PCDH7: variants seen among roughly 807,000 people sequenced by gnomAD.
PCDH7 encodes the protein protocadherin-7.
Under a neutral mutation model 58.9 loss-of-function variants are expected in PCDH7, and 17 were observed. That is an observed-to-expected ratio of 0.29 (90% confidence interval 0.20 to 0.43). PCDH7 has a LOEUF of 0.43. PCDH7 is among the 20% of genes least tolerant of loss of function. The probability of loss-of-function intolerance (pLI) is 1.00; values close to 1 mark genes in which losing one functional copy is unlikely to be tolerated. For synonymous variants in PCDH7, 664 were observed against 616.4 expected, an observed-to-expected ratio of 1.08 and a Z score of -1.14; for missense variants, 1,274 against 1,441.0, an observed-to-expected ratio of 0.88 and a Z score of 1.88.
In PCDH7 at chr4:30,723,671, A is replaced by G. The variant is rs1476164031; in HGVS notation, c.2249A>G (p.Tyr750Cys). Reference sequence around the variant, plus strand: ...GTTACCCTTCCCAAAAACATTTCCTACACTTTACTGCCACCTTCGAGTAAT... The same window carrying G: ...GTTACCCTTCCCAAAAACATTTCCTGCACTTTACTGCCACCTTCGAGTAAT... Residue 750 changes from tyrosine to cysteine, a missense_variant, in exon 1 of 2, where the codon TAC becomes TGC. This residue lies in a region of PCDH7 where 731 missense variants were observed against 881.9 expected (regional missense o/e 0.83). Coordinates refer to ENST00000361762, the Ensembl canonical transcript of PCDH7. This position sits in a 1 kb window ranked among gnomAD's most constrained non-coding sequence, Gnocchi z 4.6. 1.2e-6 allele frequency: 2 copies of G among 1,614,118 alleles called. No individual in the cohort carries two copies. The highest frequency in any genetic ancestry group is 3.3e-5 in the Admixed American group (2 of 60,018).
intron 3 of PCDH7, among the ~76,000 whole-genome samples, chr4:30,983,867 A>G (rs759476421): frequency 1.3e-5 from 2 of 152,226 alleles, no homozygotes; most frequent in African/African-American, 2.4e-5. Flanking sequence ...TTGTAAGAGT[A>G]TATTTCCATT....
In PCDH7 at chr4:30,809,001, C is replaced by T. The variant is rs1577889564; in HGVS notation, c.70+84405C>T. Among the ~76,000 whole-genome samples the T allele has an allele frequency of 4.6e-5, 7 of 152,146 alleles. No homozygotes were observed. In the South Asian group the frequency reaches 1.0e-3, roughly 23 times the overall value. The stretch of plus-strand genomic sequence containing the variant: ...TTCTATGCTAAAATGGCAATTTGTC[C>T]TCAAAAAAGAAAATATGCAATTATG... On this transcript the variant is annotated intron_variant, in intron 1 of 3. Coordinates refer to the PCDH7 transcript ENST00000509759.
intron 1 of PCDH7, among the ~76,000 whole-genome samples, chr4:30,798,634 A>C (rs572854450): frequency 2.6e-5 from 4 of 152,284 alleles, no homozygotes; most frequent in East Asian, 1.9e-4. Context: ...CTTTAATATA[A>C]ATTTTTAAAA....
intron 3 of PCDH7, among the ~76,000 whole-genome samples, chr4:31,046,762 T>A (rs1756325462): frequency 6.6e-6 from 1 of 152,070 alleles, no homozygotes. Flanking sequence ...TTAAAATAAA[T>A]TCTTTTTGTG....
intron 3 of PCDH7, among the ~76,000 whole-genome samples, chr4:30,997,044 G>A (rs934515582): frequency 6.6e-6 from 1 of 151,322 alleles, no homozygotes; most frequent in Admixed American, 6.6e-5. Flanking sequence ...CCCTAAACAT[G>A]GTGATTTAAA....
At chr4:30,824,133 T>TTCTTTCTTTCTC (rs1728785439) in intron 1 of PCDH7, among the ~76,000 whole-genome samples, 14 of 147,306 alleles carry the variant, frequency 9.5e-5, no homozygotes, top group African/African-American at 3.5e-4. Context: ...CTTTCTTTCT[T>TTCTTTCTTTCTC]TCTTTCTTTC....
chr4:30,873,268 T>C (rs1442656005), intron 1 of PCDH7, among the ~76,000 whole-genome samples: 2 of 152,054 alleles, frequency 1.3e-5, no homozygotes, highest in Non-Finnish European at 2.9e-5. Context: ...TTAAGGAAAA[T>C]TGATTCAATG....
chr4:30,820,075 A>G (rs1728190105), intron 1 of PCDH7, among the ~76,000 whole-genome samples: 1 of 152,186 alleles, frequency 6.6e-6, no homozygotes, highest in African/African-American at 2.4e-5. Context: ...TGGACTTTCA[A>G]TTAGCATTTT....
intron 1 of PCDH7, among the ~76,000 whole-genome samples, chr4:30,754,751 A>C (rs1454532079): frequency 1.4e-5 from 1 of 74,004 alleles, no homozygotes; most frequent in Non-Finnish European, 2.7e-5. Flanking sequence ...AATCCTTTAG[A>C]AACTTATATG....
chr4:30,818,868 G>T (rs1380479621), intron 1 of PCDH7, among the ~76,000 whole-genome samples: 2 of 151,424 alleles, frequency 1.3e-5, no homozygotes, highest in African/African-American at 4.9e-5. Flanking sequence ...ACAAAACAGG[G>T]CTCAAAAGAG....
chr4:30,790,540 T>G lies in PCDH7; in HGVS notation c.70+65944T>G, dbSNP rs148156896. Among the ~76,000 whole-genome samples, 589 of 152,336 alleles carry G rather than the reference T, an allele frequency of 3.9e-3. 7 individuals are homozygous for G. Among genetic ancestry groups the G allele is most frequent in the African/African-American group, 0.013 (525 of 41,580 alleles). ...GTAGCTTGATGGATTCAACTTGCAT[T>G]ACTTAAGATGGGAAAGGTACTCATT... On this transcript the variant is annotated intron_variant, in intron 1 of 3. Coordinates refer to the PCDH7 transcript ENST00000509759.
At chr4:30,811,888 C>T (rs967216515) in intron 1 of PCDH7, among the ~76,000 whole-genome samples, 53 of 151,972 alleles carry the variant, frequency 3.5e-4, no homozygotes, top group African/African-American at 1.2e-3. Context: ...AATATTTCAC[C>T]AGGTGGAGAA....
At chr4:30,817,239 T>C (rs1018168414) in intron 1 of PCDH7, among the ~76,000 whole-genome samples, 1 of 152,174 alleles carries the variant, frequency 6.6e-6, no homozygotes, top group African/African-American at 2.4e-5. Flanking sequence ...GTAGCTTAGA[T>C]TTTTCTTTTC....
chr4:31,043,538 G>A (rs1460202128), intron 3 of PCDH7, among the ~76,000 whole-genome samples: 1 of 152,118 alleles, frequency 6.6e-6, no homozygotes, highest in Non-Finnish European at 1.5e-5. Context: ...GATTAGTGAT[G>A]TTGAGCTTTT....
At chr4:30,841,363 C>T (rs1303766729) in intron 1 of PCDH7, among the ~76,000 whole-genome samples, 2 of 152,076 alleles carry the variant, frequency 1.3e-5, no homozygotes, top group Non-Finnish European at 2.9e-5. Flanking sequence ...GTTCAAGGAA[C>T]TAAATTGTTT....
At chr4:30,787,453 A>G (rs183922078) in intron 1 of PCDH7, among the ~76,000 whole-genome samples, 283 of 152,222 alleles carry the variant, frequency 1.9e-3, no homozygotes, top group Non-Finnish European at 2.6e-3. Flanking sequence ...CAATTATTAC[A>G]CTTGTTGAAA....
Position 30,908,979 on chromosome 4 carries a change from A to G in PCDH7, c.71-11174A>G, listed in dbSNP as rs571913646. On this transcript the variant is annotated intron_variant, in intron 1 of 3. Transcript: ENST00000509759. ...CAGTAGCATATCAAAAAGCTTATGT[A>G]CCACGATCAAGTCAGCTTCATCCCT... Among the ~76,000 whole-genome samples the G allele has an allele frequency of 2.0e-5, 3 of 152,298 alleles. No homozygotes were observed. In the South Asian group the frequency reaches 6.2e-4, roughly 32 times the overall value.
intron 3 of PCDH7, among the ~76,000 whole-genome samples, chr4:31,053,223 A>T (rs1756897942): frequency 6.6e-6 from 1 of 152,084 alleles, no homozygotes. Context: ...TAATACTGTG[A>T]AAACATCATT....
chr4:30,940,456 T>C (rs1195369317), intron 2 of PCDH7, among the ~76,000 whole-genome samples: 1 of 152,100 alleles, frequency 6.6e-6, no homozygotes, highest in African/African-American at 2.4e-5. Context: ...TATATAATTA[T>C]ATTTTTGCAA....
Sources: allele counts gnomAD v4.1 joint callset (sites outside exome capture counted in the v4.1 genomes callset), GRCh38; gene constraint gnomAD v4.1.1; regional missense constraint gnomAD v4.1.1; non-coding constraint Gnocchi (gnomAD v3.1); transcripts MANE v1.5; gene names NCBI Gene and HGNC (gene_info 2026-07-23, HGNC 2026-07-21).